Variants in ADAMTSL1 observed in about 807,000 individuals in gnomAD.
ADAMTSL1 encodes ADAMTS like 1, also known as ADAMTS-like protein 1.
ADAMTSL1 carries 126 observed loss-of-function variants against 201.8 expected under a neutral mutation model. The ratio of observed to expected loss-of-function variants is 0.62; its 90% CI spans 0.54 to 0.72. The LOEUF (loss-of-function observed/expected upper bound fraction) is 0.72, where lower values mean the gene tolerates loss of function less well. Among genes scored for constraint, ADAMTSL1 ranks in the 30% least tolerant of loss-of-function variants. The pLI, the probability that ADAMTSL1 is intolerant of heterozygous loss-of-function variation, is 0.00. For synonymous variants in ADAMTSL1, 1,121 were observed against 903.4 expected, an observed-to-expected ratio of 1.24 and a Z score of -4.32; for missense variants, 2,679 against 2,277.8, an observed-to-expected ratio of 1.18 and a Z score of -3.59.
intron 2 of ADAMTSL1, among the ~76,000 whole-genome samples, chr9:18,189,918 G>A (rs977555735): frequency 2.0e-5 from 3 of 152,130 alleles, no homozygotes; most frequent in East Asian, 1.9e-4. Context: ...AGTCAAATAA[G>A]CATATTAGTC....
At chr9:18,279,225 C>T (rs943221855) in intron 2 of ADAMTSL1, among the ~76,000 whole-genome samples, 1 of 152,084 alleles carries the variant, frequency 6.6e-6, no homozygotes, top group African/African-American at 2.4e-5. Flanking sequence ...CTAGTCAGCC[C>T]TGCAGAACCT....
intron 6 of ADAMTSL1, among the ~76,000 whole-genome samples, chr9:18,639,044 A>G (rs1827276988): frequency 6.6e-6 from 1 of 152,140 alleles, no homozygotes; most frequent in African/African-American, 2.4e-5. Context: ...CTGGCTAATG[A>G]CTTTTGAAAT....
At chr9:18,075,620 G>C (rs1321290852) in intron 1 of ADAMTSL1, among the ~76,000 whole-genome samples, 1 of 152,180 alleles carries the variant, frequency 6.6e-6, no homozygotes, top group Non-Finnish European at 1.5e-5. Context: ...TATCCAAGAA[G>C]AAAAACAGTT....
intron 1 of ADAMTSL1, among the ~76,000 whole-genome samples, chr9:17,932,349 T>C (rs1826831104): frequency 2.0e-5 from 3 of 152,094 alleles, no homozygotes; most frequent in Admixed American, 1.3e-4. Flanking sequence ...CAGATAAAGC[T>C]GAATGTAGGG....
intron 2 of ADAMTSL1, among the ~76,000 whole-genome samples, chr9:18,441,799 T>C (rs1820004346): frequency 6.6e-6 from 1 of 152,174 alleles, no homozygotes; most frequent in Non-Finnish European, 1.5e-5. Context: ...AAATACAGTT[T>C]CTCCAAATGG....
chr9:18,105,948 T>G (rs2131863498), intron 1 of ADAMTSL1, among the ~76,000 whole-genome samples: 1 of 152,328 alleles, frequency 6.6e-6, no homozygotes, highest in South Asian at 2.1e-4. Flanking sequence ...TTACAGCAGT[T>G]GGATGCTCAG....
chr9:17,993,644 A>G lies in ADAMTSL1; in HGVS notation c.87+86722A>G, dbSNP rs75577021. Among the ~76,000 whole-genome samples the G allele has an allele frequency of 2.2e-4, 33 of 152,306 alleles. No individual in the cohort carries two copies. The East Asian group carries it at 6.2e-3, about 29-fold the overall frequency. ...CTTTCTTTTAGTTAACATTCCTTGC[A>G]GAAATTACACAGTTGTTATTAATGA... On this transcript the variant is annotated intron_variant, in intron 1 of 29. Coordinates refer to the ADAMTSL1 transcript ENST00000680146.
At chr9:18,499,994 T>C (rs868366725) in intron 1 of ADAMTSL1, among the ~76,000 whole-genome samples, 2 of 152,218 alleles carry the variant, frequency 1.3e-5, no homozygotes, top group African/African-American at 4.8e-5. Flanking sequence ...ACTCTAGTCT[T>C]TTATTGCTAA....
chr9:18,117,480 C>A (rs886538332), intron 1 of ADAMTSL1, among the ~76,000 whole-genome samples: 10 of 152,078 alleles, frequency 6.6e-5, no homozygotes, highest in Admixed American at 6.6e-4. Context: ...CCTCCAGATA[C>A]ACCCAAGACA....
intron 26 of ADAMTSL1, among the ~76,000 whole-genome samples, chr9:18,901,137 TTTTC>T (rs1829994561): frequency 6.9e-6 from 1 of 144,124 alleles, no homozygotes; most frequent in South Asian, 2.3e-4. Flanking sequence ...AATAAGCCCT[TTTTC>T]TTTATTTAAA....
chr9:18,315,682 T>G (rs973280742), intron 2 of ADAMTSL1, among the ~76,000 whole-genome samples: 26 of 152,142 alleles, frequency 1.7e-4, no homozygotes, highest in Non-Finnish European at 2.9e-5. Context: ...GAGCTCTGTT[T>G]GCAGCCCCAG....
chr9:18,688,550 C>T (rs958312249), intron 13 of ADAMTSL1, among the ~76,000 whole-genome samples: 2 of 146,332 alleles, frequency 1.4e-5, no homozygotes, highest in South Asian at 2.2e-4. Flanking sequence ...TGCCTATATT[C>T]GCAGCTACTC....
chr9:17,989,907 A>G (rs987821488), intron 1 of ADAMTSL1, among the ~76,000 whole-genome samples: 1 of 150,570 alleles, frequency 6.6e-6, no homozygotes, highest in African/African-American at 2.4e-5. Context: ...ATACAAGGTC[A>G]TTGTAAACAT....
chr9:18,789,246 C>T (rs999604901), intron 19 of ADAMTSL1, among the ~76,000 whole-genome samples: 19 of 152,174 alleles, frequency 1.2e-4, no homozygotes, highest in Non-Finnish European at 1.5e-5. Context: ...TAGTTTTTTA[C>T]TACATGCCAG....
intron 2 of ADAMTSL1, among the ~76,000 whole-genome samples, chr9:18,440,391 A>G (rs916213943): frequency 6.6e-6 from 1 of 151,992 alleles, no homozygotes; most frequent in African/African-American, 2.4e-5. Context: ...TACTATAAAT[A>G]TAGGACTCTA....
At chr9:18,714,274 ACAC>A in intron 14 of ADAMTSL1, among the ~76,000 whole-genome samples, 6 of 151,180 alleles carry the variant, frequency 4.0e-5, no homozygotes, top group Non-Finnish European at 8.9e-5. Flanking sequence ...GGAAATAGAG[ACAC>A]AAAAAACCCT....
chr9:18,335,730 G>A (rs1434362285), intron 2 of ADAMTSL1, among the ~76,000 whole-genome samples: 1 of 152,132 alleles, frequency 6.6e-6, no homozygotes, highest in East Asian at 1.9e-4. Flanking sequence ...ATAAGGTGGT[G>A]TAAAACATAT....
At chr9:18,127,481 A>AACACACCC (rs1554701944) in intron 1 of ADAMTSL1, among the ~76,000 whole-genome samples, 1 of 146,140 alleles carries the variant, frequency 6.8e-6, no homozygotes, top group Non-Finnish European at 1.5e-5. Flanking sequence ...GCACATACAC[A>AACACACCC]ACACACACAC....
At chr9:18,076,332 G>A (rs1465790804) in intron 1 of ADAMTSL1, among the ~76,000 whole-genome samples, 1 of 152,140 alleles carries the variant, frequency 6.6e-6, no homozygotes, top group East Asian at 1.9e-4. Flanking sequence ...TGTAGTCTAG[G>A]TATTGTCCTC....
Sources: gnomAD v4.1 joint callset for allele counts (sites outside exome capture counted in the v4.1 genomes callset) on GRCh38, gnomAD v4.1.1 for gene constraint, MANE v1.5 for transcripts, NCBI Gene and HGNC (gene_info 2026-07-23, HGNC 2026-07-21) for gene names.